TLN2: variants seen among roughly 807,000 people sequenced by gnomAD.
TLN2 encodes talin-2.
Under a neutral mutation model 294.7 loss-of-function variants are expected in TLN2, and 118 were observed. The observed-to-expected ratio is 0.40, with a 90% CI of 0.34 to 0.47. The LOEUF is 0.47. Ranked by LOEUF, TLN2 falls within the 20% of genes least tolerant of loss-of-function variation. The probability of loss-of-function intolerance (pLI) is 0.84; values close to 1 mark genes in which losing one functional copy is unlikely to be tolerated. For missense variants in TLN2, 3,083 were observed against 3,282.2 expected (o/e 0.94, Z 1.48); for synonymous variants, 1,431 against 1,304.5 (o/e 1.10, Z -2.09).
chr15:62,733,808 CAG>C (rs1234932476), intron 28 of TLN2: 1 of 152,232 alleles, frequency 6.6e-6, no homozygotes, highest in Non-Finnish European at 1.5e-5. Flanking sequence ...GTTATTGAAA[CAG>C]AAATCTGCTT....
intron 32 of TLN2, among the ~76,000 whole-genome samples, chr15:62,747,099 G>A (rs2061657974): frequency 7.2e-5 from 11 of 152,184 alleles, no homozygotes; most frequent in Admixed American, 7.2e-4. Context: ...AAACAACTAT[G>A]AGCTATATCT....
At chr15:62,640,089 G>A in intron 3 of TLN2, 1 of 450,288 alleles carries the variant, frequency 2.2e-6, no homozygotes, top group Non-Finnish European at 4.5e-6. Context: ...GCGAGGTGGA[G>A]GGCAAGACCC....
At chr15:62,761,894 T>C in intron 38 of TLN2, 73 bp downstream of exon 38, 1 of 1,589,290 alleles carries the variant, frequency 6.3e-7, no homozygotes, top group Non-Finnish European at 8.6e-7. Context: ...GAGTTACTAG[T>C]TAAAACTCCA....
chr15:62,674,297 T>C (rs1255344320), intron 10 of TLN2, among the ~76,000 whole-genome samples: 35 of 152,190 alleles, frequency 2.3e-4, no homozygotes, highest in Admixed American at 2.3e-3. Flanking sequence ...GTCAGAGACT[T>C]GTCCAGTCTA....
At chr15:62,433,099 TG>T (rs2035098999) in intron 1 of TLN2, among the ~76,000 whole-genome samples, 1 of 152,122 alleles carries the variant, frequency 6.6e-6, no homozygotes, top group African/African-American at 2.4e-5. Context: ...GGAGAGGAAC[TG>T]GGTGTCTTTA....
intron 1 of TLN2, among the ~76,000 whole-genome samples, chr15:62,472,550 G>A (rs2037540526): frequency 6.6e-6 from 1 of 152,158 alleles, no homozygotes; most frequent in South Asian, 2.1e-4. Flanking sequence ...TTCAAATGTT[G>A]CTTGATGTCA....
chr15:62,680,491 G>A (rs540878112), intron 11 of TLN2, among the ~76,000 whole-genome samples: 1 of 151,646 alleles, frequency 6.6e-6, no homozygotes, highest in South Asian at 2.1e-4. Context: ...GAGTATGTAT[G>A]TAAAAATTAG....
chr15:62,490,057 A>G (rs985505910), intron 1 of TLN2, among the ~76,000 whole-genome samples: 2 of 152,232 alleles, frequency 1.3e-5, no homozygotes, highest in East Asian at 1.9e-4. Flanking sequence ...TTTGTTATGC[A>G]GCACCTACAA....
intron 1 of TLN2, among the ~76,000 whole-genome samples, chr15:62,552,890 T>G (rs1447127163): frequency 6.6e-6 from 1 of 152,242 alleles, no homozygotes; most frequent in Non-Finnish European, 1.5e-5. Flanking sequence ...AATTCAGTAT[T>G]CACAGAGACT....
chr15:62,640,702 C>T (rs955953052), intron 3 of TLN2, among the ~76,000 whole-genome samples: 3 of 152,170 alleles, frequency 2.0e-5, no homozygotes, highest in African/African-American at 7.2e-5. Context: ...ACACACTCAG[C>T]CTCACAGCTC....
chr15:62,658,636 T>C (rs1177392140), intron 9 of TLN2, among the ~76,000 whole-genome samples: 1 of 152,164 alleles, frequency 6.6e-6, no homozygotes, highest in African/African-American at 2.4e-5. Context: ...CTGAGCAGTT[T>C]CTACCACCTA....
intron 3 of TLN2, among the ~76,000 whole-genome samples, chr15:62,629,950 C>G (rs1343361114): frequency 1.3e-5 from 2 of 152,144 alleles, no homozygotes; most frequent in African/African-American, 4.8e-5. Flanking sequence ...ATTTTAACAT[C>G]CTTTTCCCAT....
At chr15:62,830,294 G>C (rs1045429004) in intron 54 of TLN2, 1 of 152,444 alleles carries the variant, frequency 6.6e-6, no homozygotes, top group Non-Finnish European at 1.5e-5. Context: ...CTGGTGAGAA[G>C]GTGAGAATGA....
intron 1 of TLN2, among the ~76,000 whole-genome samples, chr15:62,576,208 T>A (rs1409000027): frequency 6.6e-6 from 1 of 151,932 alleles, no homozygotes; most frequent in Non-Finnish European, 1.5e-5. Context: ...TTTAAAGTTG[T>A]GCTCGAGATC....
intron 52 of TLN2, among the ~76,000 whole-genome samples, chr15:62,818,642 G>A (rs1377871118): frequency 1.3e-5 from 2 of 152,196 alleles, no homozygotes; most frequent in African/African-American, 4.8e-5. Context: ...ACTTCTCCCA[G>A]GAGAGCTTGC....
chr15:62,578,318 G>A (rs1250536425), intron 1 of TLN2, among the ~76,000 whole-genome samples: 1 of 152,174 alleles, frequency 6.6e-6, no homozygotes, highest in South Asian at 2.1e-4. Context: ...TGTAATCTCA[G>A]CACTTTGGAA....
At chr15:62,533,829 C>T (rs2041185365) in intron 1 of TLN2, among the ~76,000 whole-genome samples, 1 of 152,138 alleles carries the variant, frequency 6.6e-6, no homozygotes, top group African/African-American at 2.4e-5. Context: ...GGGCCCCATG[C>T]AGCAAGCCCT....
intron 27 of TLN2, among the ~76,000 whole-genome samples, chr15:62,726,630 T>G (rs2060455911): frequency 6.6e-6 from 1 of 152,200 alleles, no homozygotes; most frequent in African/African-American, 2.4e-5. Flanking sequence ...TGGTCCCACA[T>G]GCCAGGAAGG....
chr15:62,598,876 G>A (rs1395518326), intron 2 of TLN2, among the ~76,000 whole-genome samples: 2 of 152,052 alleles, frequency 1.3e-5, no homozygotes, highest in African/African-American at 4.8e-5. Context: ...TGCCCTGGGC[G>A]ATGGGACCCG....
Sources: gnomAD v4.1 joint callset for allele counts (sites outside exome capture counted in the v4.1 genomes callset) on GRCh38, gnomAD v4.1.1 for gene constraint, MANE v1.5 for transcripts, NCBI Gene and HGNC (gene_info 2026-07-23, HGNC 2026-07-21) for gene names.